The following SEPTIN10 variants were observed in gnomAD, a reference collection of about 807,000 sequenced individuals.
SEPTIN10 encodes septin-10.
Under a neutral mutation model 54.8 loss-of-function variants are expected in SEPTIN10, and 66 were observed. The observed-to-expected ratio is 1.21, with a 90% CI of 0.99 to 1.48. The LOEUF is 1.48. Ranked by LOEUF, SEPTIN10 falls within the 40% of genes most tolerant of loss-of-function variation. The pLI is 0.00. For synonymous variants in SEPTIN10, 161 were observed against 181.0 expected, an observed-to-expected ratio of 0.89 and a Z score of 0.89; for missense variants, 620 against 545.6, an observed-to-expected ratio of 1.14 and a Z score of -1.36.
intron 10 of SEPTIN10, 96 bp from the exon 11 acceptor site, chr2:109,544,420 C>A: frequency 2.8e-6 from 4 of 1,442,326 alleles, no homozygotes; most frequent in Non-Finnish European, 2.7e-6. Flanking sequence ...GATATCTGGC[C>A]ATGGGACTTT....
intron 6 of SEPTIN10, 39 bp downstream of exon 6, chr2:109,567,776 C>A: frequency 6.6e-7 from 1 of 1,517,994 alleles, no homozygotes; most frequent in Non-Finnish European, 8.9e-7. Context: ...GTTTTATTTT[C>A]ACATGGAAAA....
intron 5 of SEPTIN10, among the ~76,000 whole-genome samples, chr2:109,568,816 T>A (rs1286153911): frequency 6.6e-6 from 1 of 152,164 alleles, no homozygotes; most frequent in African/African-American, 2.4e-5. Context: ...TGTGCCCCAC[T>A]GTCACAGACT....
intron 5 of SEPTIN10, among the ~76,000 whole-genome samples, chr2:109,568,654 A>G (rs1041304142): frequency 1.6e-5 from 2 of 121,654 alleles, no homozygotes; most frequent in African/African-American, 6.3e-5. Context: ...AAATGTGATA[A>G]AAGGTAAACT....
chr2:109,565,782 G>T lies in SEPTIN10; in HGVS notation c.840C>A (p.Tyr280Ter). The T allele has an allele frequency of 2.5e-6, 4 of 1,613,816 alleles. No homozygotes were observed. The highest frequency in any genetic ancestry group is 3.4e-6 in the Non-Finnish European group (4 of 1,179,862). The part of the protein sequence containing the change: ...VGNKMVKARQ[Y>*]PWGVVQVENE... ...ATTTACCTTGTACAACACCCCAAGGGTACTGGCGAGCTTTGACCATCTTGT... is the reference window on the plus strand; with the variant it reads ...ATTTACCTTGTACAACACCCCAAGGTTACTGGCGAGCTTTGACCATCTTGT... The change falls in exon 7 of 11, where the codon TAC becomes TAA. Residue 280 changes from tyrosine to a stop codon, truncating the protein, a stop_gained. Coordinates refer to ENST00000397712, the MANE Select transcript of SEPTIN10 (RefSeq NM_144710.5). LOFTEE classifies it high-confidence loss of function.
intron 8 of SEPTIN10, among the ~76,000 whole-genome samples, chr2:109,554,834 C>A (rs113163838): frequency 0.017 from 2,519 of 152,168 alleles, 82 homozygotes; most frequent in African/African-American, 0.056. Flanking sequence ...TGAAGCCACC[C>A]GTGTTAGTGC....
chr2:109,596,524 G>A (rs1225576558), intron 1 of SEPTIN10, among the ~76,000 whole-genome samples: 1 of 152,088 alleles, frequency 6.6e-6, no homozygotes, highest in Non-Finnish European at 1.5e-5. Flanking sequence ...GGCTGAGGCA[G>A]GAGAATGGCG....
chr2:109,600,312 C>G (rs986855496), intron 1 of SEPTIN10, among the ~76,000 whole-genome samples: 1 of 152,074 alleles, frequency 6.6e-6, no homozygotes, highest in African/African-American at 2.4e-5. Context: ...GCAATACTAC[C>G]CCTGCCCCTC....
At chr2:109,598,900 A>T (rs1010896654) in intron 1 of SEPTIN10, among the ~76,000 whole-genome samples, 4 of 152,002 alleles carry the variant, frequency 2.6e-5, no homozygotes, top group Admixed American at 2.6e-4. Context: ...AAAAATAAAA[A>T]AAAAATTATT....
intron 4 of SEPTIN10, among the ~76,000 whole-genome samples, chr2:109,581,763 G>A (rs61054424): frequency 0.017 from 2,523 of 152,228 alleles, 67 homozygotes; most frequent in African/African-American, 0.057. Context: ...CTTGAGAACT[G>A]AAACAAGATA....
At chr2:109,561,869 GC>G (rs1685721369) in intron 8 of SEPTIN10, among the ~76,000 whole-genome samples, 1 of 152,026 alleles carries the variant, frequency 6.6e-6, no homozygotes, top group Non-Finnish European at 1.5e-5. Flanking sequence ...CATATCCTTA[GC>G]CAGGTGTGAT....
intron 4 of SEPTIN10, among the ~76,000 whole-genome samples, chr2:109,582,601 G>A (rs1174670783): frequency 3.9e-5 from 6 of 152,258 alleles, no homozygotes; most frequent in East Asian, 3.9e-4. Context: ...GATTACAGGC[G>A]TAAGGCACCA....
At chr2:109,564,278 A>G in intron 8 of SEPTIN10, 88 bp downstream of exon 8, 1 of 1,209,952 alleles carries the variant, frequency 8.3e-7, no homozygotes, top group Non-Finnish European at 1.1e-6. Flanking sequence ...GATTCTAAAG[A>G]ACACATGCCC....
intron 1 of SEPTIN10, chr2:109,594,601 C>T (rs1319817172): frequency 7.2e-5 from 11 of 152,246 alleles, no homozygotes; most frequent in Admixed American, 7.2e-4. Flanking sequence ...TTCATTGAGA[C>T]TGTCCTCTCC....
chr2:109,602,991 A>T (rs1317928045), intron 1 of SEPTIN10, among the ~76,000 whole-genome samples: 1 of 151,600 alleles, frequency 6.6e-6, no homozygotes, highest in Non-Finnish European at 1.5e-5. Flanking sequence ...GGATCATCTG[A>T]GCCTGGGAGG....
intron 10 of SEPTIN10, 174 bp from the exon 11 acceptor site, chr2:109,544,498 T>G (rs1680680903): frequency 3.0e-6 from 3 of 985,234 alleles, no homozygotes; most frequent in Non-Finnish European, 3.6e-6. Flanking sequence ...TCTAGAGAGC[T>G]CTCAAAAAAT....
chr2:109,613,241 A>G, intron 1 of SEPTIN10: 3 of 1,230,906 alleles, frequency 2.4e-6, no homozygotes, highest in South Asian at 2.5e-5. Flanking sequence ...GGAAAGGTTC[A>G]AAACAGTGAA....
chr2:109,565,632 A>C, intron 7 of SEPTIN10, 131 bp downstream of exon 7: 1 of 804,876 alleles, frequency 1.2e-6, no homozygotes. Flanking sequence ...ACTTTGGCTA[A>C]AATAGTACAC....
chr2:109,545,737 C>G, intron 10 of SEPTIN10: 2 of 1,429,838 alleles, frequency 1.4e-6, no homozygotes, highest in South Asian at 1.6e-5. Flanking sequence ...AGGGCCACGG[C>G]TGGGCTATTC....
Position 109,571,773 on chromosome 2 carries a change from A to G in SEPTIN10, c.600+2808T>C, listed in dbSNP as rs572708646. Reference sequence around the variant, plus strand: ...GAAGCATCTAGAACTAGTTGTTATAAGAGTTTGCAGGTTGAACTGCTGGTT... The same window carrying G: ...GAAGCATCTAGAACTAGTTGTTATAGGAGTTTGCAGGTTGAACTGCTGGTT... On this transcript the variant is annotated intron_variant, in intron 5 of 10. Coordinates refer to ENST00000397712, the MANE Select transcript of SEPTIN10 (RefSeq NM_144710.5). Among the ~76,000 whole-genome samples the G allele has an allele frequency of 9.2e-4, 140 of 152,294 alleles. 1 individual carries two copies. Among genetic ancestry groups the G allele is most frequent in the African/African-American group, 3.2e-3 (134 of 41,578 alleles).
Sources: gnomAD v4.1 joint callset for allele counts (sites outside exome capture counted in the v4.1 genomes callset) on GRCh38, gnomAD v4.1.1 for gene constraint, MANE v1.5 for transcripts, NCBI Gene and HGNC (gene_info 2026-07-23, HGNC 2026-07-21) for gene names.